MYO16: variants seen among roughly 807,000 people sequenced by gnomAD.
MYO16 encodes the protein myosin XVI.
MYO16 carries 94 observed loss-of-function variants against 205.3 expected under a neutral mutation model. The ratio of observed to expected loss-of-function variants is 0.46; its 90% CI spans 0.39 to 0.54. MYO16 has a LOEUF of 0.54. MYO16 is among the 20% of genes least tolerant of loss of function. The pLI is 0.00. For missense variants in MYO16, 2,315 were observed against 2,387.5 expected (o/e 0.97, Z 0.63); for synonymous variants, 988 against 954.0 (o/e 1.04, Z -0.66).
At chr13:108,735,197 T>G (rs2139599338) in intron 4 of MYO16, among the ~76,000 whole-genome samples, 1 of 152,212 alleles carries the variant, frequency 6.6e-6, no homozygotes, top group East Asian at 1.9e-4. Context: ...TGTGACATGT[T>G]GGTGTGCTGC....
the MYO16 span, among the ~76,000 whole-genome samples, chr13:108,575,337 A>G: frequency 6.6e-6 from 1 of 152,184 alleles, no homozygotes; most frequent in Non-Finnish European, 1.5e-5. Flanking sequence ...CTAGGACGAC[A>G]TCATACATCC....
At chr13:108,645,576 G>A (rs756749400) in intron 1 of MYO16, among the ~76,000 whole-genome samples, 5 of 152,072 alleles carry the variant, frequency 3.3e-5, no homozygotes, top group South Asian at 2.1e-4. Context: ...GTATGGTCTC[G>A]TTCATCTACA....
chr13:109,126,340 C>T (rs1437306133), intron 30 of MYO16, among the ~76,000 whole-genome samples: 6 of 152,308 alleles, frequency 3.9e-5, no homozygotes, highest in South Asian at 2.1e-4. Flanking sequence ...ACATGGGCGG[C>T]TGGCTCTGCC....
chr13:108,765,399 A>T (rs1885746879), intron 4 of MYO16, among the ~76,000 whole-genome samples: 1 of 152,144 alleles, frequency 6.6e-6, no homozygotes, highest in Non-Finnish European at 1.5e-5. Context: ...TTTATCTGTC[A>T]TACATACCCA....
chr13:109,115,326 T>C (rs74119829), intron 28 of MYO16, among the ~76,000 whole-genome samples: 4,568 of 151,522 alleles, frequency 0.03, 208 homozygotes, highest in African/African-American at 0.1. Flanking sequence ...GACAATTTTG[T>C]TTAATCTTTT....
At chr13:108,525,457 A>T in the MYO16 span, among the ~76,000 whole-genome samples, 1 of 152,102 alleles carries the variant, frequency 6.6e-6, no homozygotes, top group Non-Finnish European at 1.5e-5. Flanking sequence ...TTATTATTTC[A>T]CTTGAATGTG....
At position 109,058,334 on chromosome 13, in the gene MYO16, A is replaced by G. The variant is rs570471499; in HGVS notation, c.3335+2739A>G. 3.3e-5 allele frequency among the ~76,000 whole-genome samples: 5 copies of G among 152,192 alleles called. No homozygotes were observed. In the East Asian group the frequency reaches 7.7e-4, roughly 24 times the overall value. ...AGGTTCACTCAATCAAAATCTGCAA[A>G]TTCATCAGAATTCCTCAGTGACTGG... is the stretch of plus-strand genomic sequence containing the variant. On this transcript the variant is annotated intron_variant, in intron 27 of 34. Coordinates refer to ENST00000457511, the MANE Select transcript of MYO16 (RefSeq NM_001198950.3).
At chr13:109,098,578 C>A (rs9559495) in intron 27 of MYO16, among the ~76,000 whole-genome samples, 1 of 151,936 alleles carries the variant, frequency 6.6e-6, no homozygotes, top group African/African-American at 2.4e-5. Flanking sequence ...TCCTGTTGAC[C>A]AATACCGGCT....
At chr13:109,112,522 G>A (rs1272846562) in intron 28 of MYO16, among the ~76,000 whole-genome samples, 4 of 152,140 alleles carry the variant, frequency 2.6e-5, no homozygotes, top group Non-Finnish European at 5.9e-5. Context: ...TTGGGAGGCC[G>A]AGGCAGGTGG....
chr13:109,158,126 C>T lies in MYO16; in HGVS notation c.5165-6775C>T, dbSNP rs575806271. 4.8e-4 allele frequency among the ~76,000 whole-genome samples: 73 copies of T among 152,272 alleles called. 2 individuals are homozygous for T. In the South Asian group the frequency reaches 0.014, roughly 30 times the overall value. ...TTCTTCATTCAGCTCTCATGTTCCCCAGAGTGGCCACTGCGCTCCAGGGCA... is the reference window on the plus strand; with the variant it reads ...TTCTTCATTCAGCTCTCATGTTCCCTAGAGTGGCCACTGCGCTCCAGGGCA... On this transcript the variant is annotated intron_variant, in intron 32 of 34. Transcript: ENST00000457511.
chr13:108,944,069 CAT>C (rs1459359578), intron 16 of MYO16, among the ~76,000 whole-genome samples: 1 of 152,214 alleles, frequency 6.6e-6, no homozygotes, highest in Non-Finnish European at 1.5e-5. Flanking sequence ...CAGCACAGCA[CAT>C]GAGGCTGAAC....
the MYO16 span, among the ~76,000 whole-genome samples, chr13:108,539,702 A>G: frequency 6.6e-6 from 1 of 152,130 alleles, no homozygotes; most frequent in Non-Finnish European, 1.5e-5. Flanking sequence ...CTAGTCAACC[A>G]TTGAAGATCC....
the MYO16 span, among the ~76,000 whole-genome samples, chr13:108,520,084 A>G: frequency 6.6e-6 from 1 of 152,138 alleles, no homozygotes; most frequent in Non-Finnish European, 1.5e-5. Context: ...AACATTTAAC[A>G]TTCATTTTCC....
intron 23 of MYO16, among the ~76,000 whole-genome samples, chr13:109,021,897 A>G (rs1444660221): frequency 1.3e-5 from 2 of 151,930 alleles, no homozygotes; most frequent in Admixed American, 6.6e-5. Context: ...TTGGTATCAT[A>G]GAAACCAAGA....
In MYO16 at chr13:108,972,249, CTA is replaced by C. The variant is rs1158879237; in HGVS notation, c.2369+7377_2369+7378del. ...TCTCTCTCTCTCTCTCTCTCTCTCT[CTA>C]TATATATATATATATATATATATAT... On this transcript the variant is annotated intron_variant, in intron 20 of 34. Coordinates refer to ENST00000457511, the MANE Select transcript of MYO16 (RefSeq NM_001198950.3). 3.5e-3 allele frequency among the ~76,000 whole-genome samples: 10 copies of C among 2,846 alleles called. 1 individual carries two copies. Among genetic ancestry groups the C allele is most frequent in the Non-Finnish European group, 5.3e-3 (9 of 1,694 alleles). 1.9% of individuals were successfully genotyped at this position (2,846 alleles called of 152,430 possible).
intron 16 of MYO16, among the ~76,000 whole-genome samples, chr13:108,957,123 C>T (rs777393507): frequency 1.3e-5 from 2 of 152,070 alleles, no homozygotes; most frequent in African/African-American, 4.8e-5. Context: ...CGGTGGCTCA[C>T]GCCTGTAATC....
At chr13:108,588,822 A>T in the MYO16 span, among the ~76,000 whole-genome samples, 234 of 152,162 alleles carry the variant, frequency 1.5e-3, no homozygotes, top group African/African-American at 5.5e-3. Flanking sequence ...CTGAACAGAG[A>T]CCCCTGCCTA....
At chr13:108,634,490 G>T (rs544578219) in intron 1 of MYO16, among the ~76,000 whole-genome samples, 1 of 152,128 alleles carries the variant, frequency 6.6e-6, no homozygotes, top group Admixed American at 6.5e-5. Flanking sequence ...GTCCCCCCTT[G>T]TTCTCTCTTC....
At chr13:108,740,270 C>A (rs1344047088) in intron 4 of MYO16, among the ~76,000 whole-genome samples, 2 of 150,212 alleles carry the variant, frequency 1.3e-5, no homozygotes, top group Non-Finnish European at 3.0e-5. Context: ...TGTGTTTTGT[C>A]TACCTTTGGT....
Sources: gnomAD v4.1 joint callset for allele counts (sites outside exome capture counted in the v4.1 genomes callset) on GRCh38, gnomAD v4.1.1 for gene constraint, MANE v1.5 for transcripts, NCBI Gene and HGNC (gene_info 2026-07-23, HGNC 2026-07-21) for gene names.